Variants in CFAP77 observed in about 807,000 individuals in gnomAD.
CFAP77 encodes cilia and flagella associated protein 77.
Under a neutral mutation model 31.1 loss-of-function variants are expected in CFAP77, and 25 were observed. The ratio of observed to expected loss-of-function variants is 0.80; its 90% confidence interval spans 0.59 to 1.12. The LOEUF (loss-of-function observed/expected upper bound fraction) is 1.12, where lower values mean the gene tolerates loss of function less well. Ranked by LOEUF, CFAP77 falls within the 50% of genes most tolerant of loss-of-function variation. The pLI is 0.00. For missense variants in CFAP77, 377 were observed against 397.3 expected (o/e 0.95, Z 0.44); for synonymous variants, 151 against 159.9 (o/e 0.94, Z 0.42).
chr9:132,473,333 C>T (rs1564217191), intron 1 of CFAP77, among the ~76,000 whole-genome samples: 3 of 152,158 alleles, frequency 2.0e-5, no homozygotes, highest in African/African-American at 4.8e-5. Flanking sequence ...GGGTGCCAGG[C>T]ATTCCCTCAT....
At chr9:132,531,305 G>A (rs1049141751) in intron 3 of CFAP77, among the ~76,000 whole-genome samples, 4 of 152,132 alleles carry the variant, frequency 2.6e-5, no homozygotes, top group African/African-American at 7.2e-5. Context: ...ACCCGCCCTC[G>A]TGATGTTGGT....
chr9:132,548,577 T>C (rs1589920200), intron 5 of CFAP77, among the ~76,000 whole-genome samples: 2 of 152,294 alleles, frequency 1.3e-5, no homozygotes, highest in African/African-American at 4.8e-5. Context: ...CAGCGAGGCC[T>C]GCTGACTTCC....
At chr9:132,410,748 T>A (rs1432639268) in intron 1 of CFAP77, among the ~76,000 whole-genome samples, 1 of 152,218 alleles carries the variant, frequency 6.6e-6, no homozygotes, top group Non-Finnish European at 1.5e-5. Flanking sequence ...GGACAGCGCC[T>A]GACATGGGGT....
At chr9:132,419,970 G>A (rs754103870) in intron 1 of CFAP77, among the ~76,000 whole-genome samples, 3 of 152,034 alleles carry the variant, frequency 2.0e-5, no homozygotes, top group Non-Finnish European at 2.9e-5. Flanking sequence ...AAACCAGCCT[G>A]GGCAACATAA....
chr9:132,556,647 C>A (rs1188929506), intron 5 of CFAP77, among the ~76,000 whole-genome samples: 1 of 152,124 alleles, frequency 6.6e-6, no homozygotes, highest in African/African-American at 2.4e-5. Flanking sequence ...GCTGACGAGC[C>A]CCTCACCTGG....
At chr9:132,538,884 G>C (rs1229406360) in intron 4 of CFAP77, among the ~76,000 whole-genome samples, 3 of 152,004 alleles carry the variant, frequency 2.0e-5, no homozygotes, top group Non-Finnish European at 2.9e-5. Flanking sequence ...TCCGGAGATC[G>C]AGACCATCCT....
intron 5 of CFAP77, among the ~76,000 whole-genome samples, chr9:132,566,722 C>T (rs1220606879): frequency 2.0e-5 from 3 of 152,144 alleles, no homozygotes; most frequent in Non-Finnish European, 4.4e-5. Context: ...TCTGCCAGGC[C>T]CAGGCACTAA....
rs541335450 is a variant in CFAP77, at chr9:132,490,745, C to T, written c.196-7950C>T. On this transcript the variant is annotated intron_variant, in intron 1 of 5. Transcript: ENST00000393216. The surrounding 1 kb of genome is among the most constrained non-coding windows in gnomAD (Gnocchi z 4.6). Reference sequence around the variant, plus strand: ...CTTTTCCTGATTACCCTTCCCCCAACGCAGTCAAGACAGCTGTCCTGGGTC... The same window carrying T: ...CTTTTCCTGATTACCCTTCCCCCAATGCAGTCAAGACAGCTGTCCTGGGTC... Among the ~76,000 whole-genome samples the T allele has an allele frequency of 1.7e-4, 26 of 152,358 alleles. No individual in the cohort carries two copies. The highest frequency in any genetic ancestry group is 4.1e-4 in the African/African-American group (17 of 41,580).
intron 1 of CFAP77, among the ~76,000 whole-genome samples, chr9:132,433,440 A>G (rs1850447244): frequency 6.6e-6 from 1 of 152,168 alleles, no homozygotes. Context: ...GACAGCACAG[A>G]TGGCATAAAC....
At chr9:132,413,428 G>A (rs948170605) in intron 1 of CFAP77, among the ~76,000 whole-genome samples, 3 of 152,190 alleles carry the variant, frequency 2.0e-5, no homozygotes, top group African/African-American at 7.2e-5. Context: ...CACAAAAGAT[G>A]TAAATATTTT....
intron 1 of CFAP77, among the ~76,000 whole-genome samples, chr9:132,425,205 C>T (rs1196087187): frequency 6.6e-6 from 1 of 152,088 alleles, no homozygotes; most frequent in African/African-American, 2.4e-5. Context: ...TTGCGTCGCC[C>T]CCGTCAATAC....
chr9:132,478,807 C>G (rs1330312448), intron 1 of CFAP77, among the ~76,000 whole-genome samples: 1 of 152,220 alleles, frequency 6.6e-6, no homozygotes, highest in East Asian at 1.9e-4. Flanking sequence ...AAGACAAATC[C>G]TCACAAAAGG....
intron 1 of CFAP77, among the ~76,000 whole-genome samples, chr9:132,496,867 T>C (rs1307364619): frequency 1.3e-5 from 2 of 151,344 alleles, no homozygotes; most frequent in Admixed American, 1.3e-4. Flanking sequence ...TGGATAGGAG[T>C]GTGTAATCCA....
intron 1 of CFAP77, among the ~76,000 whole-genome samples, chr9:132,411,880 C>G (rs1167175605): frequency 6.6e-6 from 1 of 152,038 alleles, no homozygotes; most frequent in Non-Finnish European, 1.5e-5. Flanking sequence ...CACACACACA[C>G]ACACACACAC....
At chr9:132,468,730 A>AATGT (rs1343995177) in intron 1 of CFAP77, among the ~76,000 whole-genome samples, 2 of 152,244 alleles carry the variant, frequency 1.3e-5, no homozygotes, top group Non-Finnish European at 2.9e-5. Flanking sequence ...GTTATATCCC[A>AATGT]GGACCTTTCA....
At chr9:132,493,068 C>T (rs551998957) in intron 1 of CFAP77, among the ~76,000 whole-genome samples, 8 of 152,262 alleles carry the variant, frequency 5.3e-5, no homozygotes, top group South Asian at 2.1e-4. Flanking sequence ...GGGTGGCCTC[C>T]GGCTGTGCCC....
At chr9:132,514,653 G>C (rs145382758) in intron 3 of CFAP77, among the ~76,000 whole-genome samples, 10 of 152,296 alleles carry the variant, frequency 6.6e-5, no homozygotes, top group African/African-American at 1.7e-4. Context: ...CTTGTGAAAA[G>C]TGTTAACACG....
At chr9:132,525,222 A>G (rs1852338195) in intron 3 of CFAP77, among the ~76,000 whole-genome samples, 1 of 151,444 alleles carries the variant, frequency 6.6e-6, no homozygotes, top group Non-Finnish European at 1.5e-5. Context: ...GTTTCACCAT[A>G]TTGGCCAGAC....
chr9:132,495,533 G>T lies in CFAP77; in HGVS notation c.196-3162G>T, dbSNP rs970463733. Among the ~76,000 whole-genome samples, 4 of 152,104 alleles carry T rather than the reference G, an allele frequency of 2.6e-5. No homozygotes were observed. The highest frequency in any genetic ancestry group is 7.2e-5 in the African/African-American group (3 of 41,426). ...GAATTCAAAACAAGCCACCCTGCAG[G>T]GTCCCCATGCACCCGCCTGAAACTC... On this transcript the variant is annotated intron_variant, in intron 1 of 5. Transcript: ENST00000393216. The surrounding 1 kb of genome is among the most constrained non-coding windows in gnomAD (Gnocchi z 4.2).
Sources: gnomAD v4.1 joint callset for allele counts (sites outside exome capture counted in the v4.1 genomes callset) on GRCh38, gnomAD v4.1.1 for gene constraint, Gnocchi (gnomAD v3.1) non-coding constraint, MANE v1.5 for transcripts, NCBI Gene and HGNC (gene_info 2026-07-23, HGNC 2026-07-21) for gene names.